Variants in NRXN3 observed in about 807,000 individuals in gnomAD.
The protein encoded by NRXN3 is neurexin 3, also known as neurexin III.
Under a neutral mutation model 137.6 loss-of-function variants are expected in NRXN3, and 32 were observed. The observed-to-expected ratio is 0.23, with a 90% CI of 0.18 to 0.31. NRXN3 has a LOEUF of 0.31. NRXN3 is among the 10% of genes least tolerant of loss of function. The probability of loss-of-function intolerance (pLI) is 1.00; values close to 1 mark genes in which losing one functional copy is unlikely to be tolerated. For missense variants in NRXN3, 1,574 were observed against 2,062.5 expected (o/e 0.76, Z 4.59); for synonymous variants, 798 against 784.5 (o/e 1.02, Z -0.29).
intron 4 of NRXN3, among the ~76,000 whole-genome samples, chr14:78,367,532 C>T (rs539073075): frequency 1.8e-4 from 28 of 152,306 alleles, no homozygotes; most frequent in Admixed American, 5.2e-4. Context: ...ATTTGCATGT[C>T]ACCTACTCTG....
At chr14:79,398,505 T>TA (rs2095092400) in intron 15 of NRXN3, among the ~76,000 whole-genome samples, 1 of 138,802 alleles carries the variant, frequency 7.2e-6, no homozygotes. Flanking sequence ...ATATTCATTG[T>TA]TTTTTTTTTT....
At chr14:79,190,071 A>T (rs991880887) in intron 15 of NRXN3, among the ~76,000 whole-genome samples, 2 of 152,174 alleles carry the variant, frequency 1.3e-5, no homozygotes, top group Admixed American at 6.5e-5. Flanking sequence ...AGAATGTTTC[A>T]TCTACTCATT....
intron 20 of NRXN3, among the ~76,000 whole-genome samples, chr14:79,851,430 T>C (rs2099391146): frequency 6.6e-6 from 1 of 152,112 alleles, no homozygotes; most frequent in Non-Finnish European, 1.5e-5. Flanking sequence ...ATGATTAACA[T>C]TATTAAACCA....
intron 8 of NRXN3, among the ~76,000 whole-genome samples, chr14:78,750,001 A>G (rs974551623): frequency 5.3e-5 from 8 of 152,244 alleles, no homozygotes; most frequent in African/African-American, 1.7e-4. Context: ...TCAGCCTCCA[A>G]AAGCCCTGGC....
At chr14:78,570,998 G>A (rs750989657) in intron 4 of NRXN3, among the ~76,000 whole-genome samples, 1 of 152,144 alleles carries the variant, frequency 6.6e-6, no homozygotes, top group African/African-American at 2.4e-5. Flanking sequence ...GCCCCGCTGG[G>A]CCCTGTGGGG....
At chr14:79,353,427 C>A (rs1032621919) in intron 15 of NRXN3, among the ~76,000 whole-genome samples, 1 of 152,054 alleles carries the variant, frequency 6.6e-6, no homozygotes, top group African/African-American at 2.4e-5. Flanking sequence ...ATTTCTGTCA[C>A]CCTGCCTTTC....
intron 1 of NRXN3, among the ~76,000 whole-genome samples, chr14:78,236,790 A>G (rs909260728): frequency 2.1e-5 from 3 of 140,430 alleles, no homozygotes; most frequent in African/African-American, 7.7e-5. Flanking sequence ...TTAAATAGCT[A>G]TAGGAATGAG....
rs112268708 is a variant in NRXN3, at chr14:79,047,144, G to GA, written c.3262+59017dup. 5.5e-3 allele frequency among the ~76,000 whole-genome samples: 670 copies of GA among 121,372 alleles called. 3 individuals are homozygous for GA. Among genetic ancestry groups the GA allele is most frequent in the Non-Finnish European group, 7.0e-3 (390 of 56,102 alleles). 79.6% of individuals were successfully genotyped at this position (121,372 alleles called of 152,430 possible). On this transcript the variant is annotated intron_variant, in intron 15 of 20. Transcript: ENST00000335750. Reference sequence around the variant, plus strand: ...GCCACTCCCTTCCCGCCCCACCCCCGAAAAAAAAAAAAAACACACCACCAC... The same window carrying GA: ...GCCACTCCCTTCCCGCCCCACCCCCGAAAAAAAAAAAAAAACACACCACCAC...
chr14:79,486,327 A>G (rs1744599697), intron 16 of NRXN3, among the ~76,000 whole-genome samples: 2 of 152,224 alleles, frequency 1.3e-5, no homozygotes, highest in African/African-American at 4.8e-5. Context: ...ATATGTATAT[A>G]TGTATGTAGA....
chr14:79,213,834 C>T (rs1436280283), intron 15 of NRXN3, among the ~76,000 whole-genome samples: 2 of 152,148 alleles, frequency 1.3e-5, no homozygotes, highest in Non-Finnish European at 2.9e-5. Flanking sequence ...GAGGGACTGG[C>T]CCTTGTGATG....
At chr14:78,526,782 T>C in intron 4 of NRXN3, 2 of 517,392 alleles carry the variant, frequency 3.9e-6, no homozygotes. Flanking sequence ...TGAGTTGGAC[T>C]AAGTGAAATA....
chr14:78,701,246 T>C (rs1422985861), intron 6 of NRXN3, among the ~76,000 whole-genome samples: 3 of 152,232 alleles, frequency 2.0e-5, no homozygotes, highest in Admixed American at 6.5e-5. Context: ...CTTAACTTCT[T>C]ACTGTTCACA....
At chr14:79,363,897 C>T (rs981964802) in intron 15 of NRXN3, among the ~76,000 whole-genome samples, 13 of 152,156 alleles carry the variant, frequency 8.5e-5, no homozygotes, top group Admixed American at 8.5e-4. Flanking sequence ...TGATAATGGG[C>T]TTCATGGCTA....
At chr14:79,304,918 T>A (rs1157916661) in intron 15 of NRXN3, among the ~76,000 whole-genome samples, 1 of 152,046 alleles carries the variant, frequency 6.6e-6, no homozygotes, top group Non-Finnish European at 1.5e-5. Context: ...TATATGAGAC[T>A]CTGTCCCTAA....
chr14:78,524,768 C>G lies in NRXN3; in HGVS notation c.758-120352C>G, dbSNP rs367849276. On this transcript the variant is annotated intron_variant, in intron 4 of 20. Transcript: ENST00000335750. ...ACAATTTTTTTTTCTATTAAGCTCC[C>G]TTTTCAAAATACTTGAACTCCACCT... 4.5e-4 allele frequency among the ~76,000 whole-genome samples: 69 copies of G among 152,178 alleles called. 1 individual carries two copies. The South Asian group carries it at 7.9e-3, about 17-fold the overall frequency.
At chr14:78,615,147 TAAC>T (rs2097335155) in intron 4 of NRXN3, 1 of 454,930 alleles carries the variant, frequency 2.2e-6, no homozygotes, top group Non-Finnish European at 4.4e-6. Context: ...ACCATGATAA[TAAC>T]AATATCTTAC....
chr14:78,259,776 T>C (rs187111952), intron 2 of NRXN3, among the ~76,000 whole-genome samples: 1 of 152,328 alleles, frequency 6.6e-6, no homozygotes, highest in Admixed American at 6.5e-5. Flanking sequence ...GTGCTCTGAA[T>C]GCTTGCTGTG....
chr14:79,016,822 C>T (rs1038426628), intron 15 of NRXN3, among the ~76,000 whole-genome samples: 1 of 152,140 alleles, frequency 6.6e-6, no homozygotes, highest in Non-Finnish European at 1.5e-5. Context: ...GGTCTATGAA[C>T]TGTAACGTCA....
intron 4 of NRXN3, among the ~76,000 whole-genome samples, chr14:78,642,824 GCAGA>G: frequency 6.6e-6 from 1 of 152,300 alleles, no homozygotes; most frequent in South Asian, 2.1e-4. Flanking sequence ...CTTCAAACAC[GCAGA>G]CAGTGTTGAA....
Sources: allele counts gnomAD v4.1 joint callset (sites outside exome capture counted in the v4.1 genomes callset), GRCh38; gene constraint gnomAD v4.1.1; transcripts MANE v1.5; gene names NCBI Gene and HGNC (gene_info 2026-07-23, HGNC 2026-07-21).